Variants in PPM1E observed in about 807,000 individuals in gnomAD.
PPM1E encodes protein phosphatase 1E.
PPM1E carries 20 observed loss-of-function variants against 65.9 expected under a neutral mutation model. That is an observed-to-expected ratio of 0.30 (90% CI 0.21 to 0.44). The LOEUF (loss-of-function observed/expected upper bound fraction) is 0.44. Ranked by LOEUF, PPM1E falls within the 20% of genes least tolerant of loss-of-function variation. The probability of loss-of-function intolerance (pLI) is 1.00; values close to 1 mark genes in which losing one functional copy is unlikely to be tolerated. For missense variants in PPM1E, 713 were observed against 953.1 expected, an observed-to-expected ratio of 0.75 and a Z score of 3.32; for synonymous variants, 352 against 374.9, an observed-to-expected ratio of 0.94 and a Z score of 0.70.
intron 1 of PPM1E, among the ~76,000 whole-genome samples, chr17:58,828,474 G>GT (rs1017855169): frequency 1.1e-3 from 172 of 151,880 alleles, no homozygotes; most frequent in Non-Finnish European, 1.9e-3. Flanking sequence ...TTGTTTGTTT[G>GT]TTTTTTTAAG....
intron 1 of PPM1E, among the ~76,000 whole-genome samples, chr17:58,793,621 G>A (rs552843647): frequency 6.6e-6 from 1 of 152,118 alleles, no homozygotes; most frequent in South Asian, 2.1e-4. Flanking sequence ...CTCCCAAAGT[G>A]CTGGGATTAC....
intron 1 of PPM1E, among the ~76,000 whole-genome samples, chr17:58,932,171 C>G (rs2051908679): frequency 6.6e-6 from 1 of 151,942 alleles, no homozygotes; most frequent in South Asian, 2.1e-4. Context: ...GTAGGAAGTG[C>G]TAAAACTAGC....
At chr17:58,925,118 G>A (rs937382398) in intron 1 of PPM1E, among the ~76,000 whole-genome samples, 1 of 151,982 alleles carries the variant, frequency 6.6e-6, no homozygotes, top group Non-Finnish European at 1.5e-5. Context: ...GGGTCAAATG[G>A]TATTTCTGGT....
At chr17:58,903,126 C>T (rs543223760) in intron 1 of PPM1E, among the ~76,000 whole-genome samples, 18 of 152,280 alleles carry the variant, frequency 1.2e-4, no homozygotes, top group Non-Finnish European at 2.1e-4. Flanking sequence ...GCAGTTATCA[C>T]CATCATGGAC....
chr17:58,812,474 A>G (rs894226867), intron 1 of PPM1E, among the ~76,000 whole-genome samples: 3 of 152,116 alleles, frequency 2.0e-5, no homozygotes, highest in Admixed American at 1.3e-4. Context: ...TCATCTGATC[A>G]CCTGAGGTGC....
intron 1 of PPM1E, among the ~76,000 whole-genome samples, chr17:58,792,000 A>G (rs1229971417): frequency 2.0e-5 from 3 of 152,120 alleles, no homozygotes; most frequent in South Asian, 2.1e-4. Flanking sequence ...TTTCTTCCCT[A>G]TACACCATTC....
chr17:58,884,365 G>A (rs967534603), intron 1 of PPM1E, among the ~76,000 whole-genome samples: 2 of 152,100 alleles, frequency 1.3e-5, no homozygotes, highest in Non-Finnish European at 2.9e-5. Flanking sequence ...GGCTCATTCA[G>A]CTTTCCTCAC....
intron 1 of PPM1E, among the ~76,000 whole-genome samples, chr17:58,916,685 G>C (rs2051687143): frequency 6.6e-6 from 1 of 152,124 alleles, no homozygotes; most frequent in Non-Finnish European, 1.5e-5. Context: ...ATTATAGAGA[G>C]AATCCCTACC....
At chr17:58,856,572 C>A (rs1052362533) in intron 1 of PPM1E, among the ~76,000 whole-genome samples, 1 of 152,100 alleles carries the variant, frequency 6.6e-6, no homozygotes, top group Non-Finnish European at 1.5e-5. Flanking sequence ...GGTTTTAACC[C>A]CCAGCACCTC....
intron 1 of PPM1E, among the ~76,000 whole-genome samples, chr17:58,825,224 TCACA>T (rs71367635): frequency 0.06 from 8,332 of 139,984 alleles, 230 homozygotes; most frequent in South Asian, 0.093. Context: ...ACACACACAC[TCACA>T]CACACACACA....
intron 1 of PPM1E, among the ~76,000 whole-genome samples, chr17:58,768,951 G>T (rs1038335900): frequency 1.3e-5 from 2 of 152,112 alleles, no homozygotes; most frequent in Non-Finnish European, 2.9e-5. Context: ...TTACAGGTGT[G>T]AGCCAATGCG....
chr17:58,784,456 C>T (rs1480688654), intron 1 of PPM1E, among the ~76,000 whole-genome samples: 2 of 149,926 alleles, frequency 1.3e-5, no homozygotes, highest in Admixed American at 6.6e-5. Context: ...TGTATATCTT[C>T]TTTGGAGAAA....
At chr17:58,853,756 G>A (rs973013767) in intron 1 of PPM1E, among the ~76,000 whole-genome samples, 2 of 152,064 alleles carry the variant, frequency 1.3e-5, no homozygotes, top group African/African-American at 2.4e-5. Context: ...GCTTGAACCC[G>A]GGAGACAGAG....
At chr17:58,785,798 A>G (rs2050095231) in intron 1 of PPM1E, among the ~76,000 whole-genome samples, 1 of 151,532 alleles carries the variant, frequency 6.6e-6, no homozygotes. Context: ...CATGTTTTCC[A>G]CCCACAAATT....
chr17:58,960,596 G>A (rs1207827300), intron 2 of PPM1E, among the ~76,000 whole-genome samples: 2 of 151,912 alleles, frequency 1.3e-5, no homozygotes, highest in African/African-American at 4.8e-5. Flanking sequence ...CCAACATGGT[G>A]AAATTCCGTC....
chr17:58,853,710 C>T (rs1244590424), intron 1 of PPM1E, among the ~76,000 whole-genome samples: 1 of 152,082 alleles, frequency 6.6e-6, no homozygotes, highest in Non-Finnish European at 1.5e-5. Context: ...CGTCTGTAAT[C>T]CCAGCTATTC....
intron 1 of PPM1E, among the ~76,000 whole-genome samples, chr17:58,908,920 A>G (rs917132517): frequency 2.6e-5 from 4 of 152,144 alleles, no homozygotes; most frequent in African/African-American, 9.7e-5. Context: ...TATTTTACCT[A>G]TATATAAACA....
At chr17:58,888,240 T>C (rs1441466154) in intron 1 of PPM1E, among the ~76,000 whole-genome samples, 1 of 152,114 alleles carries the variant, frequency 6.6e-6, no homozygotes, top group Non-Finnish European at 1.5e-5. Flanking sequence ...AAGTAAATGG[T>C]ATCCATGGAA....
In PPM1E at chr17:58,806,148, C is replaced by A. The variant is rs114865452; in HGVS notation, c.464+49687C>A. Among the ~76,000 whole-genome samples, 426 of 151,782 alleles carry A rather than the reference C, an allele frequency of 2.8e-3. 2 individuals are homozygous for A. Among genetic ancestry groups the A allele is most frequent in the African/African-American group, 9.9e-3 (411 of 41,418 alleles). ...GAAAGTAGGGAGTATCTCAGTTTTA[C>A]AAATAAGCAAACAAACATCTGGAAT... On this transcript the variant is annotated intron_variant, in intron 1 of 6. Transcript: ENST00000308249.
Sources: gnomAD v4.1 joint callset for allele counts (sites outside exome capture counted in the v4.1 genomes callset) on GRCh38, gnomAD v4.1.1 for gene constraint, MANE v1.5 for transcripts, NCBI Gene and HGNC (gene_info 2026-07-23, HGNC 2026-07-21) for gene names.